Variants in MEGF11 observed in about 807,000 individuals in gnomAD.
The protein encoded by MEGF11 is multiple EGF like domains 11, also known as multiple epidermal growth factor-like domains protein 11.
Under a neutral mutation model 146.6 loss-of-function variants are expected in MEGF11, and 126 were observed. The ratio of observed to expected loss-of-function variants is 0.86; its 90% CI spans 0.74 to 1.00. The LOEUF is 1.00. Ranked by LOEUF, MEGF11 falls within the 50% of genes least tolerant of loss-of-function variation. The pLI is 0.00. For missense variants in MEGF11, 1,509 were observed against 1,521.2 expected (o/e 0.99, Z 0.13); for synonymous variants, 532 against 583.4 (o/e 0.91, Z 1.27).
At chr15:66,096,209 A>C (rs565955868) in intron 4 of MEGF11, among the ~76,000 whole-genome samples, 1 of 152,296 alleles carries the variant, frequency 6.6e-6, no homozygotes, top group East Asian at 1.9e-4. Flanking sequence ...TCCGTGTTAC[A>C]GCTTGTCACA....
At chr15:66,102,168 C>T (rs1032211596) in intron 4 of MEGF11, among the ~76,000 whole-genome samples, 3 of 150,718 alleles carry the variant, frequency 2.0e-5, no homozygotes, top group Admixed American at 1.3e-4. Context: ...TGCTCGTGGC[C>T]GGCTCCTGGT....
At chr15:66,210,161 A>G (rs2091408566) in intron 1 of MEGF11, among the ~76,000 whole-genome samples, 1 of 152,212 alleles carries the variant, frequency 6.6e-6, no homozygotes, top group African/African-American at 2.4e-5. Flanking sequence ...ATTCATGTCA[A>G]TATCCTGGTT....
At chr15:66,089,476 C>T (rs1209538069) in intron 5 of MEGF11, among the ~76,000 whole-genome samples, 1 of 152,172 alleles carries the variant, frequency 6.6e-6, no homozygotes, top group Non-Finnish European at 1.5e-5. Context: ...TTCTGGAGGG[C>T]AGGCTCAGGC....
intron 4 of MEGF11, among the ~76,000 whole-genome samples, chr15:66,108,477 AAAAAC>A (rs755646963): frequency 2.0e-4 from 31 of 152,366 alleles, no homozygotes; most frequent in African/African-American, 2.9e-4. Context: ...GTGCAAAGAA[AAAAAC>A]AAAACAAAAC....
chr15:65,925,880 C>T (rs2079355691), intron 13 of MEGF11, among the ~76,000 whole-genome samples: 1 of 152,218 alleles, frequency 6.6e-6, no homozygotes, highest in African/African-American at 2.4e-5. Flanking sequence ...ACAAGCATCT[C>T]TTTGATAATC....
At chr15:65,955,793 T>TACACACAC (rs67353441) in intron 10 of MEGF11, among the ~76,000 whole-genome samples, 462 of 6,600 alleles carry the variant, frequency 0.07, 44 homozygotes, top group Non-Finnish European at 0.13. Context: ...TATATATATA[T>TACACACAC]ACACACACAC....
At chr15:66,251,110 GCT>G (rs1567299263) in intron 1 of MEGF11, among the ~76,000 whole-genome samples, 1 of 152,226 alleles carries the variant, frequency 6.6e-6, no homozygotes, top group Non-Finnish European at 1.5e-5. Flanking sequence ...CAGGTTCTGA[GCT>G]TGAGCTCTGA....
intron 1 of MEGF11, among the ~76,000 whole-genome samples, chr15:66,236,078 T>A (rs112477012): frequency 2.0e-5 from 3 of 152,056 alleles, no homozygotes; most frequent in Non-Finnish European, 4.4e-5. Flanking sequence ...CTGGAGGAGA[T>A]GGTGTCTGGG....
intron 1 of MEGF11, among the ~76,000 whole-genome samples, chr15:66,229,863 G>A (rs1489659223): frequency 6.6e-6 from 1 of 152,174 alleles, no homozygotes; most frequent in Non-Finnish European, 1.5e-5. Context: ...TGGGCAATGG[G>A]GCTGGCCTCA....
intron 1 of MEGF11, among the ~76,000 whole-genome samples, chr15:66,153,835 G>A (rs1329504965): frequency 6.6e-6 from 1 of 152,138 alleles, no homozygotes; most frequent in Non-Finnish European, 1.5e-5. Context: ...CTGAGCCTCA[G>A]TCATCTTACC....
intron 5 of MEGF11, among the ~76,000 whole-genome samples, chr15:66,055,583 G>C (rs1037376178): frequency 7.9e-5 from 12 of 152,312 alleles, no homozygotes; most frequent in Middle Eastern, 3.4e-3. Flanking sequence ...TCAGAGCATA[G>C]AGCATTTGGA....
intron 20 of MEGF11, 65 bp from the exon 21 acceptor site, chr15:65,912,265 A>T (rs2078835963): frequency 1.0e-6 from 1 of 980,090 alleles, no homozygotes; most frequent in Non-Finnish European, 1.3e-6. Flanking sequence ...TACCCCCAGT[A>T]CTAATGCTTG....
chr15:65,967,303 C>G (rs1313548596), intron 8 of MEGF11, among the ~76,000 whole-genome samples: 2 of 152,098 alleles, frequency 1.3e-5, no homozygotes, highest in Non-Finnish European at 2.9e-5. Context: ...TAAATTCAGG[C>G]ATGAAAAAGC....
chr15:66,237,666 T>C (rs191156638), intron 1 of MEGF11, among the ~76,000 whole-genome samples: 219 of 152,236 alleles, frequency 1.4e-3, no homozygotes, highest in Middle Eastern at 0.01. Context: ...GAATGAGTAA[T>C]CCTTGAAGAC....
chr15:66,142,828 T>A (rs2089218704), intron 1 of MEGF11, among the ~76,000 whole-genome samples: 1 of 152,190 alleles, frequency 6.6e-6, no homozygotes, highest in South Asian at 2.1e-4. Context: ...CTCAAGCAGG[T>A]GGTCTCGCTT....
intron 5 of MEGF11, among the ~76,000 whole-genome samples, chr15:66,002,138 C>T (rs143318604): frequency 3.3e-3 from 497 of 152,252 alleles, no homozygotes; most frequent in Non-Finnish European, 4.4e-3. Flanking sequence ...TTCTTGCCTG[C>T]ATCTTGGTGG....
In MEGF11 at chr15:66,243,630, A is replaced by C. The variant is rs565540312; in HGVS notation, c.-9+9975T>G. Among the ~76,000 whole-genome samples the C allele has an allele frequency of 2.6e-5, 4 of 152,302 alleles. No individual in the cohort carries two copies. In the South Asian group the frequency reaches 8.3e-4, roughly 32 times the overall value. Reference sequence around the variant, plus strand: ...TCCCTTTCCAAATTAATATTCATGGAGACTGGCATGCCATTTATTTGCATA... The same window carrying C: ...TCCCTTTCCAAATTAATATTCATGGCGACTGGCATGCCATTTATTTGCATA... On this transcript the variant is annotated intron_variant, in intron 1 of 25. Coordinates refer to ENST00000395614, the MANE Select transcript of MEGF11 (RefSeq NM_001385028.1).
At chr15:65,898,584 A>C in intron 25 of MEGF11, 144 bp downstream of exon 25, 4 of 1,451,056 alleles carry the variant, frequency 2.8e-6, no homozygotes, top group Non-Finnish European at 3.6e-6. Context: ...AGTCCTAGGA[A>C]AGACAGTTCA....
At chr15:66,021,382 T>G (rs2083127574) in intron 5 of MEGF11, among the ~76,000 whole-genome samples, 2 of 152,198 alleles carry the variant, frequency 1.3e-5, no homozygotes, top group African/African-American at 2.4e-5. Flanking sequence ...TATGTATGAG[T>G]CTTTATTCTG....
Sources: allele counts gnomAD v4.1 joint callset (sites outside exome capture counted in the v4.1 genomes callset), GRCh38; gene constraint gnomAD v4.1.1; transcripts MANE v1.5; gene names NCBI Gene and HGNC (gene_info 2026-07-23, HGNC 2026-07-21).